The following KAZN variants were observed in gnomAD, a reference collection of about 807,000 sequenced individuals.
KAZN encodes the protein kazrin, periplakin interacting protein, also known as kazrin.
Under a neutral mutation model 87.4 loss-of-function variants are expected in KAZN, and 40 were observed. The observed-to-expected ratio is 0.46, with a 90% CI of 0.36 to 0.60. The LOEUF (loss-of-function observed/expected upper bound fraction) is 0.60. KAZN is among the 20% of genes least tolerant of loss of function. The pLI is 0.00. For synonymous variants in KAZN, 466 were observed against 458.3 expected, an observed-to-expected ratio of 1.02 and a Z score of -0.22; for missense variants, 898 against 1,073.9, an observed-to-expected ratio of 0.84 and a Z score of 2.29.
chr1:14,529,621 C>T (rs1167710318), intron 2 of KAZN, among the ~76,000 whole-genome samples: 1 of 152,124 alleles, frequency 6.6e-6, no homozygotes, highest in Non-Finnish European at 1.5e-5. Context: ...AGGAGACATT[C>T]TCAGCAGTCA....
At chr1:14,496,223 T>TA (rs952068324) in intron 2 of KAZN, among the ~76,000 whole-genome samples, 2 of 152,166 alleles carry the variant, frequency 1.3e-5, no homozygotes, top group African/African-American at 2.4e-5. Context: ...TCCATATTTA[T>TA]AAAAAATCCC....
At chr1:14,509,554 C>T (rs1034006918) in intron 2 of KAZN, among the ~76,000 whole-genome samples, 22 of 152,214 alleles carry the variant, frequency 1.4e-4, no homozygotes, top group African/African-American at 3.6e-4. Flanking sequence ...CTCGTAGGGC[C>T]GTGGAAAAAG....
At chr1:14,494,570 C>T (rs1669844154) in intron 2 of KAZN, among the ~76,000 whole-genome samples, 1 of 152,136 alleles carries the variant, frequency 6.6e-6, no homozygotes, top group Non-Finnish European at 1.5e-5. Context: ...TGTTGATGTA[C>T]ACAGCCTCTG....
intron 1 of KAZN, among the ~76,000 whole-genome samples, chr1:14,798,868 C>A (rs1645916478): frequency 6.6e-6 from 1 of 152,196 alleles, no homozygotes; most frequent in Non-Finnish European, 1.5e-5. Context: ...TCAAGCCATC[C>A]TCCCACCTCA....
At chr1:14,738,540 A>G (rs1290290712) in intron 1 of KAZN, among the ~76,000 whole-genome samples, 1 of 152,172 alleles carries the variant, frequency 6.6e-6, no homozygotes, top group Non-Finnish European at 1.5e-5. Context: ...CTGTTCATTC[A>G]GGGAGGCAAA....
intron 1 of KAZN, among the ~76,000 whole-genome samples, chr1:14,914,487 T>C (rs1375707205): frequency 1.3e-5 from 2 of 152,210 alleles, no homozygotes; most frequent in Admixed American, 6.5e-5. Context: ...ACTCTATTGT[T>C]CCAACTTCCT....
chr1:14,991,077 G>C (rs1402089130), intron 2 of KAZN, among the ~76,000 whole-genome samples: 1 of 151,972 alleles, frequency 6.6e-6, no homozygotes, highest in Non-Finnish European at 1.5e-5. Context: ...CCTTGGCCGG[G>C]CGCAGAGGCT....
chr1:14,810,387 G>C (rs1269795518), intron 1 of KAZN, among the ~76,000 whole-genome samples: 1 of 152,044 alleles, frequency 6.6e-6, no homozygotes, highest in Non-Finnish European at 1.5e-5. Flanking sequence ...CTGATTTTCT[G>C]CTCAGGGGCC....
At chr1:14,382,972 C>G (rs1163220328) in intron 2 of KAZN, among the ~76,000 whole-genome samples, 2 of 150,880 alleles carry the variant, frequency 1.3e-5, no homozygotes, top group Non-Finnish European at 3.0e-5. Flanking sequence ...ACATCCTCTC[C>G]AGCACCTGTT....
chr1:14,373,069 A>G (rs1390790039), intron 2 of KAZN, among the ~76,000 whole-genome samples: 1 of 152,052 alleles, frequency 6.6e-6, no homozygotes, highest in Non-Finnish European at 1.5e-5. Context: ...GACCAGCTGG[A>G]GGGACTATAA....
At chr1:14,295,441 G>A (rs564821613) in intron 2 of KAZN, among the ~76,000 whole-genome samples, 24 of 152,122 alleles carry the variant, frequency 1.6e-4, no homozygotes, top group Admixed American at 3.3e-4. Flanking sequence ...AGAAAGACAA[G>A]GACACACACA....
At chr1:14,857,897 AT>A (rs1650317576) in intron 1 of KAZN, among the ~76,000 whole-genome samples, 1 of 151,980 alleles carries the variant, frequency 6.6e-6, no homozygotes, top group Admixed American at 6.6e-5. Flanking sequence ...TTCTTAACCA[AT>A]TTTAGAGCAT....
At chr1:14,071,628 T>C (rs1243823946) in intron 1 of KAZN, among the ~76,000 whole-genome samples, 1 of 152,218 alleles carries the variant, frequency 6.6e-6, no homozygotes, top group Non-Finnish European at 1.5e-5. Context: ...GCATCCTCAC[T>C]TGGACATGGT....
intron 2 of KAZN, among the ~76,000 whole-genome samples, chr1:14,989,025 C>G (rs1667101590): frequency 6.6e-6 from 1 of 152,220 alleles, no homozygotes; most frequent in Non-Finnish European, 1.5e-5. Flanking sequence ...TATTGAGGCC[C>G]CATCTAGGTG....
intron 2 of KAZN, among the ~76,000 whole-genome samples, chr1:14,998,094 G>A (rs1323136228): frequency 6.6e-6 from 1 of 151,946 alleles, no homozygotes; most frequent in African/African-American, 2.4e-5. Flanking sequence ...GCAGGCCTCG[G>A]ACACTCTCCA....
chr1:14,788,841 A>G lies in KAZN; in HGVS notation c.227-171843A>G, dbSNP rs545726719. On this transcript the variant is annotated intron_variant, in intron 1 of 14. Coordinates refer to ENST00000376030, the MANE Select transcript of KAZN (RefSeq NM_201628.3). ...GTCACCTAAGAAGGGAAGTGGTGTG[A>G]TCTGAGGCATGTGGACAGCCACCTC... Among the ~76,000 whole-genome samples, 3 of 152,224 alleles carry G rather than the reference A, an allele frequency of 2.0e-5. No homozygotes were observed. The South Asian group carries it at 6.2e-4, about 32-fold the overall frequency.
At chr1:14,297,433 C>T (rs1654210783) in intron 2 of KAZN, among the ~76,000 whole-genome samples, 5 of 152,168 alleles carry the variant, frequency 3.3e-5, no homozygotes, top group Admixed American at 3.3e-4. Context: ...AGACTTGGGA[C>T]ACTCACCTTT....
chr1:15,069,345 C>G (rs929864445), intron 8 of KAZN, among the ~76,000 whole-genome samples: 2 of 152,234 alleles, frequency 1.3e-5, no homozygotes, highest in Admixed American at 1.3e-4. Context: ...AACCCCGTCT[C>G]TCATGCGGGA....
intron 1 of KAZN, among the ~76,000 whole-genome samples, chr1:14,053,613 G>A (rs748807231): frequency 1.3e-5 from 2 of 152,154 alleles, no homozygotes; most frequent in Non-Finnish European, 2.9e-5. Flanking sequence ...CCAGAACTAC[G>A]TTACAATCTT....
Sources: gnomAD v4.1 joint callset for allele counts (sites outside exome capture counted in the v4.1 genomes callset) on GRCh38, gnomAD v4.1.1 for gene constraint, MANE v1.5 for transcripts, NCBI Gene and HGNC (gene_info 2026-07-23, HGNC 2026-07-21) for gene names.